Variants in SULT6B1 observed in about 807,000 individuals in gnomAD.
SULT6B1 encodes sulfotransferase 6B1.
SULT6B1 carries 44 observed loss-of-function variants against 37.2 expected under a neutral mutation model. The observed-to-expected ratio is 1.18, with a 90% CI of 0.93 to 1.52. The LOEUF is 1.52. SULT6B1 is among the 40% of genes most tolerant of loss of function. The probability of loss-of-function intolerance (pLI) is 0.00; values close to 1 mark genes in which losing one functional copy is unlikely to be tolerated. For missense variants in SULT6B1, 450 were observed against 361.0 expected (o/e 1.25, Z -2.00); for synonymous variants, 140 against 126.0 (o/e 1.11, Z -0.74).
At position 37,179,485 on chromosome 2, in the gene SULT6B1, A is replaced by C. The variant is rs778193008; in HGVS notation, c.502T>G (p.Phe168Val). 1.9e-6 allele frequency: 3 copies of C among 1,614,054 alleles called. No individual in the cohort carries two copies. Among genetic ancestry groups the C allele is most frequent in the Non-Finnish European group, 2.5e-6 (3 of 1,179,976 alleles). Residue 168 changes from phenylalanine to valine, a missense_variant, in exon 4 of 7, where the codon TTC (phenylalanine) becomes GTC (valine). Physicochemically the swap from Phe to Val is conservative, Grantham distance 50. Coordinates refer to ENST00000535679, the MANE Select transcript of SULT6B1 (RefSeq NM_001367551.1). ...TGTCCTTTCATGAACTGTCTGAAGA[A>C]TTCATCCCAAGAGCCATAGCTTGGA... Reference protein sequence around the residue: ...DIPSYGSWDEFFRQFMKGQVS... With the variant: ...DIPSYGSWDEVFRQFMKGQVS...
At chr2:37,173,780 C>T (rs1421436846) in intron 5 of SULT6B1, among the ~76,000 whole-genome samples, 2 of 152,172 alleles carry the variant, frequency 1.3e-5, no homozygotes, top group Non-Finnish European at 2.9e-5. Context: ...CCTGCATGGC[C>T]CCTTCTTGGC....
upstream of SULT6B1, chr2:37,189,762 C>G (rs1325564180): frequency 6.6e-6 from 1 of 152,284 alleles, no homozygotes; most frequent in African/African-American, 2.4e-5. Flanking sequence ...AGCAGCCACT[C>G]TCCCCTTTTT....
chr2:37,195,680 G>A (rs1676903599), intron 1 of SULT6B1, among the ~76,000 whole-genome samples: 2 of 152,212 alleles, frequency 1.3e-5, no homozygotes, highest in South Asian at 4.1e-4. Flanking sequence ...TCCAGGCTTT[G>A]TCTTGCACAC....
At chr2:37,168,323 G>T (rs572477917) in intron 6 of SULT6B1, among the ~76,000 whole-genome samples, 1 of 152,000 alleles carries the variant, frequency 6.6e-6, no homozygotes, top group Non-Finnish European at 1.5e-5. Flanking sequence ...CACCACACCC[G>T]GCTAATGTAT....
chr2:37,178,993 C>G (rs986645074), intron 4 of SULT6B1, among the ~76,000 whole-genome samples: 2 of 152,082 alleles, frequency 1.3e-5, no homozygotes, highest in Non-Finnish European at 2.9e-5. Context: ...GACAGAGTCT[C>G]GCTTTGCCAA....
At chr2:37,182,045 G>A (rs1676563057) in intron 3 of SULT6B1, among the ~76,000 whole-genome samples, 1 of 152,016 alleles carries the variant, frequency 6.6e-6, no homozygotes, top group Non-Finnish European at 1.5e-5. Context: ...TAAGCTACTA[G>A]GATTCTTGTA....
chr2:37,184,230 C>A (rs1676622158), intron 2 of SULT6B1, among the ~76,000 whole-genome samples: 1 of 152,150 alleles, frequency 6.6e-6, no homozygotes, highest in Admixed American at 6.5e-5. Context: ...CCTGCGAATC[C>A]ATTTTTAACA....
upstream of SULT6B1, among the ~76,000 whole-genome samples, chr2:37,191,733 A>C (rs1343778185): frequency 1.3e-5 from 2 of 152,196 alleles, no homozygotes; most frequent in African/African-American, 4.8e-5. Context: ...GAAGGTGGGT[A>C]CGAAAAAAAC....
At chr2:37,193,388 G>A (rs1394921464), upstream of SULT6B1, among the ~76,000 whole-genome samples, 1 of 151,988 alleles carries the variant, frequency 6.6e-6, no homozygotes, top group Non-Finnish European at 1.5e-5. Context: ...CTTGAATCCG[G>A]GAGGCAGGGC....
At chr2:37,191,888 G>A (rs1219703381), upstream of SULT6B1, among the ~76,000 whole-genome samples, 3 of 152,210 alleles carry the variant, frequency 2.0e-5, no homozygotes, top group Non-Finnish European at 4.4e-5. Context: ...TATAACACCC[G>A]CTCTGGGGAT....
rs143044977 is a variant in SULT6B1 at position 37,182,497 on chromosome 2, C to T, written c.402+928G>A. On this transcript the variant is annotated intron_variant, in intron 3 of 6. Coordinates refer to ENST00000535679, the MANE Select transcript of SULT6B1 (RefSeq NM_001367551.1). ...AAAAACGCAATTACTTTTGCACCAA[C>T]CTAATATTTTTTGTAGAGATGTGGT... Among the ~76,000 whole-genome samples, 5 of 151,914 alleles carry T rather than the reference C, an allele frequency of 3.3e-5. No homozygotes were observed. The East Asian group carries it at 7.7e-4, about 24-fold the overall frequency.
At chr2:37,177,411 CAAAAAAAA>C (rs57205863) in intron 4 of SULT6B1, among the ~76,000 whole-genome samples, 3 of 76,296 alleles carry the variant, frequency 3.9e-5, no homozygotes, top group African/African-American at 5.1e-5. Context: ...AATCTTGTCT[CAAAAAAAA>C]AAAAAAAAAA....
At position 37,188,456 on chromosome 2, in the gene SULT6B1, G is replaced by A; in HGVS notation, c.185C>T (p.Ser62Phe). The A allele has an allele frequency of 1.2e-6, 2 of 1,613,190 alleles. No homozygotes were observed. Among genetic ancestry groups the A allele is most frequent in the Non-Finnish European group, 1.7e-6 (2 of 1,179,668 alleles). Reference sequence around the variant, plus strand: ...TTGTCATTTACCGCACTTTGGATAAGATGCTAGCACGATGTCATCATGTCT... The same window carrying A: ...TTGTCATTTACCGCACTTTGGATAAAATGCTAGCACGATGTCATCATGTCT... ...EARHDDIVLA[S>F]YPKCGSNWIL... is the part of the protein sequence containing the mutation. Residue 62 changes from serine (S) to phenylalanine (F), a missense_variant, in exon 1 of 7, where the codon TCT becomes TTT. Ser to Phe is a radical substitution (Grantham distance 155, BLOSUM62 -2). Transcript: ENST00000535679.
chr2:37,171,585 C>T lies in SULT6B1; in HGVS notation c.630G>A (p.Leu210=), dbSNP rs147063748. 1.4e-4 allele frequency: 226 copies of T among 1,609,254 alleles called. No homozygotes were observed. In the African/African-American group the frequency reaches 2.4e-3, roughly 17 times the overall value. ...CAGCAATCTGTTTTATTCCAGCAGC[C>T]AGATTCTGTAAAAAAATTTTCTTAA... ...FILYEDLKEN[L]AAGIKQIAEF... The change falls in exon 6 of 7, where the codon CTG becomes CTA. Residue 210 remains leucine, a synonymous_variant. Coordinates refer to ENST00000535679, the MANE Select transcript of SULT6B1 (RefSeq NM_001367551.1).
At chr2:37,172,851 T>A (rs1676336165) in intron 5 of SULT6B1, among the ~76,000 whole-genome samples, 1 of 148,248 alleles carries the variant, frequency 6.7e-6, no homozygotes, top group Non-Finnish European at 1.5e-5. Flanking sequence ...TGTTTTTGGT[T>A]TTTCGTTTGT....
chr2:37,190,635 G>A (rs1038714492), upstream of SULT6B1, among the ~76,000 whole-genome samples: 1 of 152,114 alleles, frequency 6.6e-6, no homozygotes, highest in Non-Finnish European at 1.5e-5. Flanking sequence ...GGTTTTAATC[G>A]GAGAGCCAGC....
chr2:37,194,451 C>T, intron 1 of SULT6B1: 1 of 429,816 alleles, frequency 2.3e-6, no homozygotes. Flanking sequence ...TTTGGTGAAT[C>T]TTCATCCTCA....
chr2:37,187,563 CA>C, intron 1 of SULT6B1, 96 bp from the exon 2 acceptor site: 1 of 651,714 alleles, frequency 1.5e-6, no homozygotes. Flanking sequence ...TTAAAATCTA[CA>C]ACCATTCCCT....
intron 2 of SULT6B1, among the ~76,000 whole-genome samples, chr2:37,185,717 C>CAAA (rs200087048): frequency 9.6e-5 from 8 of 83,384 alleles, no homozygotes; most frequent in African/African-American, 1.5e-4. Context: ...GACTCCATTT[C>CAAA]AAAAAAAAAA....
Sources: allele counts gnomAD v4.1 joint callset (sites outside exome capture counted in the v4.1 genomes callset), GRCh38; gene constraint gnomAD v4.1.1; transcripts MANE v1.5; gene names NCBI Gene and HGNC (gene_info 2026-07-23, HGNC 2026-07-21).